Variants in TRRAP observed in about 807,000 individuals in gnomAD.
TRRAP encodes transformation/transcription domain associated protein.
TRRAP carries 41 observed loss-of-function variants against 438.8 expected under a neutral mutation model. The observed-to-expected ratio is 0.09, with a 90% CI of 0.07 to 0.12. The LOEUF is 0.12. TRRAP is among the 10% of genes least tolerant of loss of function. The probability of loss-of-function intolerance (pLI) is 1.00; values close to 1 mark genes in which losing one functional copy is unlikely to be tolerated. For missense variants in TRRAP, 3,122 were observed against 5,055.1 expected (o/e 0.62, Z 11.60); for synonymous variants, 1,994 against 1,962.9 (o/e 1.02, Z -0.42).
At chr7:98,932,498 A>G (rs1790367457) in intron 26 of TRRAP, among the ~76,000 whole-genome samples, 1 of 152,070 alleles carries the variant, frequency 6.6e-6, no homozygotes, top group African/African-American at 2.4e-5. Flanking sequence ...TTGTAATTAA[A>G]AAATTTTTTT....
At chr7:98,960,421 A>G (rs1791836180) in intron 45 of TRRAP, among the ~76,000 whole-genome samples, 1 of 152,166 alleles carries the variant, frequency 6.6e-6, no homozygotes. Flanking sequence ...CTGGACTGCA[A>G]AGGCCATGTT....
chr7:98,929,719 G>A (rs1024426725), intron 23 of TRRAP, among the ~76,000 whole-genome samples: 2 of 152,048 alleles, frequency 1.3e-5, no homozygotes, highest in African/African-American at 4.8e-5. Context: ...TCAGCCTCCT[G>A]AGTAGCTGGG....
At chr7:98,895,012 A>G (rs1796139655) in intron 6 of TRRAP, among the ~76,000 whole-genome samples, 1 of 152,078 alleles carries the variant, frequency 6.6e-6, no homozygotes, top group Non-Finnish European at 1.5e-5. Context: ...ATAACATCTT[A>G]TAGCTTGATC....
chr7:98,930,230 T>C, intron 24 of TRRAP, 24 bp downstream of exon 24: 1 of 1,612,482 alleles, frequency 6.2e-7, no homozygotes, highest in South Asian at 1.1e-5. Flanking sequence ...GAGGAGTGTC[T>C]TCTGATTTGG....
At chr7:98,897,262 T>C (rs1796258368) in intron 7 of TRRAP, among the ~76,000 whole-genome samples, 1 of 152,132 alleles carries the variant, frequency 6.6e-6, no homozygotes, top group African/African-American at 2.4e-5. Context: ...GTCCTGTGTT[T>C]TGCTTGTTCC....
intron 46 of TRRAP, 58 bp from the exon 47 acceptor site, chr7:98,962,244 C>T (rs1487346633): frequency 1.9e-6 from 3 of 1,610,744 alleles, no homozygotes; most frequent in Admixed American, 1.7e-5. Flanking sequence ...TCCCTGGCAT[C>T]AGCACTGGTG....
intron 30 of TRRAP, among the ~76,000 whole-genome samples, chr7:98,940,525 C>G (rs1004698979): frequency 6.6e-6 from 1 of 152,122 alleles, no homozygotes; most frequent in Non-Finnish European, 1.5e-5. Flanking sequence ...ACATTGTTAC[C>G]CAGATTTTTT....
chr7:99,004,452 G>A lies in TRRAP; in HGVS notation c.10535+37G>A, dbSNP rs760456062. 81 of 1,585,784 alleles carry A rather than the reference G, an allele frequency of 5.1e-5. 1 individual carries two copies. Among genetic ancestry groups the A allele is most frequent in the Admixed American group, 3.3e-4 (19 of 57,572 alleles). On this transcript the variant is annotated intron_variant, in intron 68 of 72. Transcript: ENST00000456197. ...AGCCTGGCAGGTGGAACTAACCCAC[G>A]GCGCCCATGGACATGGAGCCCCATG...
Position 98,976,300 on chromosome 7 carries a change from A to G in TRRAP, c.7959+32A>G. On this transcript the variant is annotated intron_variant, in intron 54 of 72. Transcript: ENST00000456197. This position sits in a 1 kb window ranked among gnomAD's most constrained non-coding sequence, Gnocchi z 4.6. ...GTATCTTTAAAATCCTGTTTTGGAA[A>G]ATTGTAGTTTTAGCTTTTGGTAAGT... is the stretch of plus-strand genomic sequence containing the variant. 1.9e-6 allele frequency: 3 copies of G among 1,611,072 alleles called. No homozygotes were observed. The highest frequency in any genetic ancestry group is 2.5e-6 in the Non-Finnish European group (3 of 1,178,468).
rs1554417897 is a variant in TRRAP, at chr7:98,950,142, C to T, written c.5214C>T (p.Phe1738=). ...GTCGTTTTCTCTGCAACATGACATTCTTAAAAGAGTATATGGAGGAAGAGA... is the reference window on the plus strand; with the variant it reads ...GTCGTTTTCTCTGCAACATGACATTTTTAAAAGAGTATATGGAGGAAGAGA... ...FTGRFLCNMT[F]LKEYMEEEIP... The change falls in exon 38 of 73, where the codon TTC becomes TTT. Residue 1738 remains phenylalanine (F), a synonymous_variant. Coordinates refer to ENST00000456197, the MANE Select transcript of TRRAP (RefSeq NM_001375524.1). 6.2e-7 allele frequency: 1 copy of T among 1,614,164 alleles called. No homozygotes were observed. The highest frequency in any genetic ancestry group is 8.5e-7 in the Non-Finnish European group (1 of 1,179,994).
rs1385025994 is a variant in TRRAP at position 98,994,998 on chromosome 7, T to G, written c.10309+150T>G. The G allele has an allele frequency of 1.5e-5, 18 of 1,209,518 alleles. No homozygotes were observed. Among genetic ancestry groups the G allele is most frequent in the Non-Finnish European group, 2.0e-5 (18 of 883,506 alleles). The allele number at this position is 1,209,518 out of a possible 1,614,324, so 74.9% of individuals were successfully genotyped here. A position where few individuals can be genotyped will look rare whatever the true frequency, so the allele number is the denominator to read the frequency against. ...TCTGTTTACAGTGCAGACTTCAGAGTGCATAGCTGAGACCACATGTTTTTC... is the reference window on the plus strand; with the variant it reads ...TCTGTTTACAGTGCAGACTTCAGAGGGCATAGCTGAGACCACATGTTTTTC... On this transcript the variant is annotated intron_variant, in intron 67 of 72. Transcript: ENST00000456197. This position sits in a 1 kb window ranked among gnomAD's most constrained non-coding sequence, Gnocchi z 4.8.
chr7:98,905,890 G>A (rs1554407445), intron 12 of TRRAP, among the ~76,000 whole-genome samples: 1 of 152,162 alleles, frequency 6.6e-6, no homozygotes, highest in African/African-American at 2.4e-5. Flanking sequence ...AGTATCAGAG[G>A]TGGGATCTCT....
chr7:98,934,893 G>A (rs1362396221), intron 27 of TRRAP, among the ~76,000 whole-genome samples: 5 of 152,102 alleles, frequency 3.3e-5, no homozygotes, highest in African/African-American at 1.2e-4. Context: ...TTTTCACTCT[G>A]TATCCTTTTC....
In TRRAP at chr7:98,897,695, AT is replaced by A. The variant is rs1480904748; in HGVS notation, c.508-44del. The A allele has an allele frequency of 5.8e-6, 9 of 1,550,080 alleles. 1 individual carries two copies. The highest frequency in any genetic ancestry group is 7.8e-6 in the Non-Finnish European group (9 of 1,150,490). On this transcript the variant is annotated intron_variant, in intron 7 of 72. Coordinates refer to ENST00000456197, the MANE Select transcript of TRRAP (RefSeq NM_001375524.1). ...TGTTTTGTTTTGTTTTTGAATGAAT[AT>A]TGGGTTTGACTTTAGGAAAAAATAT...
intron 16 of TRRAP, 55 bp from the exon 17 acceptor site, chr7:98,911,022 T>G: frequency 6.6e-7 from 1 of 1,509,110 alleles, no homozygotes; most frequent in Non-Finnish European, 9.0e-7. Flanking sequence ...TAATGGAACA[T>G]ATTCAGAGAG....
intron 3 of TRRAP, among the ~76,000 whole-genome samples, chr7:98,886,579 T>C (rs1554404023): frequency 3.3e-5 from 5 of 152,184 alleles, no homozygotes; most frequent in African/African-American, 1.2e-4. Context: ...TAATGACTTT[T>C]GCAATCTGTG....
At chr7:98,933,141 G>A in intron 26 of TRRAP, 100 bp from the exon 27 acceptor site, 1 of 1,424,084 alleles carries the variant, frequency 7.0e-7, no homozygotes, top group African/African-American at 1.4e-5. Flanking sequence ...GAAGATATCT[G>A]TAATAACTTT....
chr7:98,896,725 T>C (rs1796224873), intron 7 of TRRAP, among the ~76,000 whole-genome samples: 1 of 152,184 alleles, frequency 6.6e-6, no homozygotes, highest in South Asian at 2.1e-4. Context: ...TTTAAATTGA[T>C]ATAGGATAAA....
intron 30 of TRRAP, among the ~76,000 whole-genome samples, chr7:98,940,851 C>T (rs1790766572): frequency 6.6e-6 from 1 of 152,200 alleles, no homozygotes; most frequent in Admixed American, 6.5e-5. Context: ...TAATCATGTT[C>T]TTCAGAACCA....
Sources: gnomAD v4.1 joint callset for allele counts (sites outside exome capture counted in the v4.1 genomes callset) on GRCh38, gnomAD v4.1.1 for gene constraint, Gnocchi (gnomAD v3.1) non-coding constraint, MANE v1.5 for transcripts, NCBI Gene and HGNC (gene_info 2026-07-23, HGNC 2026-07-21) for gene names.